Variants in PAPPA2 observed in about 807,000 individuals in gnomAD.
The protein encoded by PAPPA2 is pappalysin-2.
A neutral mutation model predicts 176.4 loss-of-function variants in PAPPA2; 86 were observed. That is an observed-to-expected ratio of 0.49 (90% CI 0.41 to 0.58). The LOEUF (loss-of-function observed/expected upper bound fraction) is 0.58. PAPPA2 is among the 20% of genes least tolerant of loss of function. The pLI is 0.00. For synonymous variants in PAPPA2, 809 were observed against 852.2 expected, an observed-to-expected ratio of 0.95 and a Z score of 0.88; for missense variants, 2,073 against 2,256.9, an observed-to-expected ratio of 0.92 and a Z score of 1.65.
At position 176,719,191 on chromosome 1, in the gene PAPPA2, G is replaced by A. The variant is rs145836604; in HGVS notation, c.3798+7210G>A. Among the ~76,000 whole-genome samples, 1,311 of 151,678 alleles carry A rather than the reference G, an allele frequency of 8.6e-3. 24 individuals carry two copies. Among genetic ancestry groups the A allele is most frequent in the African/African-American group, 0.029 (1,190 of 41,358 alleles). On this transcript the variant is annotated intron_variant, in intron 12 of 22. Transcript: ENST00000367662. ...ATAATCAATGGGAAAAATTACAATT[G>A]CTTCGTGATATCTAAAAGATTTTTT...
Position 176,594,841 on chromosome 1 carries a change from T to A in PAPPA2, c.1237T>A (p.Ser413Thr). ...CTCTTTGCTCCTGGGGGGAGACAGC[T>A]CTGAGGATGGGCACTATTTCCGTGG... ...CRSLLLGGDSSEDGHYFRGHL... is the reference protein window; with the variant it reads ...CRSLLLGGDSTEDGHYFRGHL... The change falls in exon 3 of 23, where the codon TCT becomes ACT. Residue 413 changes from serine to threonine, a missense_variant. This residue lies in a region of PAPPA2 where 1,196 missense variants were observed against 1,330.4 expected (regional missense o/e 0.90). Coordinates refer to ENST00000367662, the MANE Select transcript of PAPPA2 (RefSeq NM_020318.3). The A allele has an allele frequency of 6.2e-7, 1 of 1,614,206 alleles. No homozygotes were observed. The highest frequency in any genetic ancestry group is 8.5e-7 in the Non-Finnish European group (1 of 1,180,032).
chr1:176,669,360 C>T (rs946378191), intron 3 of PAPPA2, among the ~76,000 whole-genome samples: 3 of 151,930 alleles, frequency 2.0e-5, no homozygotes, highest in Non-Finnish European at 4.4e-5. Context: ...CCTATTGAAA[C>T]ATCTCCATGT....
intron 2 of PAPPA2, among the ~76,000 whole-genome samples, chr1:176,569,951 G>C (rs1351379250): frequency 1.3e-5 from 2 of 152,010 alleles, no homozygotes; most frequent in Admixed American, 6.6e-5. Context: ...CACAAATCTA[G>C]GTATACCTGA....
chr1:176,640,438 T>C (rs1420818055), intron 3 of PAPPA2, among the ~76,000 whole-genome samples: 5 of 149,658 alleles, frequency 3.3e-5, no homozygotes, highest in Admixed American at 2.7e-4. Context: ...TGAGAATATG[T>C]GGTGTTTGGT....
At chr1:176,825,152 G>A (rs1304930021) in intron 21 of PAPPA2, among the ~76,000 whole-genome samples, 1 of 152,094 alleles carries the variant, frequency 6.6e-6, no homozygotes, top group African/African-American at 2.4e-5. Flanking sequence ...CAGGATCTCT[G>A]GAAGTTCTTT....
intron 3 of PAPPA2, among the ~76,000 whole-genome samples, chr1:176,611,451 T>C (rs1654919250): frequency 6.6e-6 from 1 of 152,250 alleles, no homozygotes; most frequent in Non-Finnish European, 1.5e-5. Flanking sequence ...CTTGTAATTA[T>C]ATGTAAGTAT....
At chr1:176,687,387 A>G (rs891637796) in intron 4 of PAPPA2, among the ~76,000 whole-genome samples, 1 of 152,092 alleles carries the variant, frequency 6.6e-6, no homozygotes, top group Non-Finnish European at 1.5e-5. Flanking sequence ...TTCTAGTTAT[A>G]AATAAGCTGG....
chr1:176,734,826 C>T lies in PAPPA2; in HGVS notation c.3799-4800C>T, dbSNP rs185908231. Among the ~76,000 whole-genome samples, 7 of 152,290 alleles carry T rather than the reference C, an allele frequency of 4.6e-5. No individual in the cohort carries two copies. The East Asian group carries it at 1.4e-3, about 29-fold the overall frequency. On this transcript the variant is annotated intron_variant, in intron 12 of 22. Transcript: ENST00000367662. The stretch of plus-strand genomic sequence containing the variant: ...TGCAAGCATTCTTAATCTGATTTCT[C>T]TCAACCTCTAATTGGACCACGAATG...
At chr1:176,570,829 G>A (rs1573057484) in intron 2 of PAPPA2, among the ~76,000 whole-genome samples, 1 of 152,174 alleles carries the variant, frequency 6.6e-6, no homozygotes, top group South Asian at 2.1e-4. Context: ...CTACTGTGGT[G>A]TGCTGCCAAA....
chr1:176,473,178 A>G (rs1341644789), intron 1 of PAPPA2, among the ~76,000 whole-genome samples: 1 of 152,048 alleles, frequency 6.6e-6, no homozygotes, highest in Non-Finnish European at 1.5e-5. Flanking sequence ...TGCTCCACCT[A>G]TTCATCCTTC....
intron 1 of PAPPA2, among the ~76,000 whole-genome samples, chr1:176,528,420 G>A (rs1035469601): frequency 6.6e-6 from 1 of 152,162 alleles, no homozygotes; most frequent in Admixed American, 6.5e-5. Context: ...TATACCTAAG[G>A]AGGTGAGCAA....
Position 176,557,137 on chromosome 1 carries a change from T to C in PAPPA2, c.815T>C (p.Leu272Pro). The change falls in exon 2 of 23, where the codon CTG (leucine) becomes CCG (proline). Residue 272 changes from leucine to proline, a missense_variant. Around this residue, in one of 4 missense-constraint regions of PAPPA2, gnomAD observed 1,196 missense variants for 1,330.4 expected, o/e 0.90. Transcript: ENST00000367662. ...TACTTCTCTGGGAGGCGGGAGCGGCTGCTGCTGCGTCCAGAAGTGCTGGCT... is the reference window on the plus strand; with the variant it reads ...TACTTCTCTGGGAGGCGGGAGCGGCCGCTGCTGCGTCCAGAAGTGCTGGCT... ...ILYFSGRRER[L>P]LLRPEVLAEI... is the part of the protein sequence containing the mutation. 6.2e-7 allele frequency: 1 copy of C among 1,613,570 alleles called. No homozygotes were observed. Among genetic ancestry groups the C allele is most frequent in the Non-Finnish European group, 8.5e-7 (1 of 1,179,970 alleles).
intron 21 of PAPPA2, among the ~76,000 whole-genome samples, chr1:176,835,224 C>A (rs1050669227): frequency 2.6e-5 from 4 of 152,098 alleles, no homozygotes; most frequent in Non-Finnish European, 5.9e-5. Context: ...GAATCTGTTC[C>A]CAGGATTGCT....
At chr1:176,806,684 A>G (rs1665919999) in intron 21 of PAPPA2, among the ~76,000 whole-genome samples, 1 of 152,168 alleles carries the variant, frequency 6.6e-6, no homozygotes, top group Non-Finnish European at 1.5e-5. Context: ...TTCATCTCTT[A>G]AAATTGTTGT....
rs1274805386 is a variant in PAPPA2, at chr1:176,470,533, A to G, written c.-917+7115A>G. 3.3e-5 allele frequency among the ~76,000 whole-genome samples: 5 copies of G among 152,168 alleles called. No homozygotes were observed. In the East Asian group the frequency reaches 9.6e-4, roughly 29 times the overall value. ...GGGAGAGGAATGATCAGGCCAGTAG[A>G]CACCAGCCAGAAATTAGGCTGACTC... is the stretch of plus-strand genomic sequence containing the variant. On this transcript the variant is annotated intron_variant, in intron 1 of 22. Transcript: ENST00000367662.
In PAPPA2 at chr1:176,549,837, G is replaced by C. The variant is rs140559736; in HGVS notation, c.-916-5570G>C. Among the ~76,000 whole-genome samples the C allele has an allele frequency of 3.2e-4, 48 of 152,276 alleles. No individual in the cohort carries two copies. The East Asian group carries it at 5.4e-3, about 17-fold the overall frequency. ...CCTAGACTTACCCCTGGCTCTATCT[G>C]CCCACCCCCACAACATTTACTGAGG... On this transcript the variant is annotated intron_variant, in intron 1 of 22. Coordinates refer to ENST00000367662, the MANE Select transcript of PAPPA2 (RefSeq NM_020318.3).
chr1:176,776,711 A>G (rs1275608574), intron 17 of PAPPA2, among the ~76,000 whole-genome samples: 1 of 152,092 alleles, frequency 6.6e-6, no homozygotes, highest in Admixed American at 6.6e-5. Flanking sequence ...GGTATTGATG[A>G]GGATGACTGT....
Position 176,582,366 on chromosome 1 carries a change from G to C in PAPPA2, c.920-12158G>C, listed in dbSNP as rs979508226. On this transcript the variant is annotated intron_variant, in intron 2 of 22. Coordinates refer to ENST00000367662, the MANE Select transcript of PAPPA2 (RefSeq NM_020318.3). ...TCCAGTGCTATGTCAAATAAGAGTG[G>C]TGAAAGTGGGCATCCTTGTCTTTTT... is the stretch of plus-strand genomic sequence containing the variant. Among the ~76,000 whole-genome samples, 4 of 152,116 alleles carry C rather than the reference G, an allele frequency of 2.6e-5. 1 individual carries two copies. The South Asian group carries it at 8.3e-4, about 32-fold the overall frequency.
intron 1 of PAPPA2, among the ~76,000 whole-genome samples, chr1:176,540,754 CCTT>C (rs1446317658): frequency 1.3e-5 from 2 of 152,202 alleles, no homozygotes; most frequent in African/African-American, 2.4e-5. Flanking sequence ...GATAACCTAA[CCTT>C]CTCAATTCAG....
Sources: allele counts gnomAD v4.1 joint callset (sites outside exome capture counted in the v4.1 genomes callset), GRCh38; gene constraint gnomAD v4.1.1; regional missense constraint gnomAD v4.1.1; transcripts MANE v1.5; gene names NCBI Gene and HGNC (gene_info 2026-07-23, HGNC 2026-07-21).